The following DLGAP1 variants were observed in gnomAD, a reference collection of about 807,000 sequenced individuals.
DLGAP1 encodes DLG associated protein 1.
DLGAP1 carries 11 observed loss-of-function variants against 90.8 expected under a neutral mutation model. The ratio of observed to expected loss-of-function variants is 0.12; its 90% CI spans 0.08 to 0.20. DLGAP1 has a LOEUF of 0.20. DLGAP1 is among the 10% of genes least tolerant of loss of function. The pLI, the probability that DLGAP1 is intolerant of heterozygous loss-of-function variation, is 1.00. For missense variants in DLGAP1, 1,050 were observed against 1,333.8 expected (o/e 0.79, Z 3.31); for synonymous variants, 558 against 540.7 (o/e 1.03, Z -0.44).
chr18:4,044,032 G>C (rs1422191830), intron 2 of DLGAP1, among the ~76,000 whole-genome samples: 1 of 152,144 alleles, frequency 6.6e-6, no homozygotes, highest in Non-Finnish European at 1.5e-5. Context: ...GGTAATGTAA[G>C]ACATTTCCTC....
At chr18:3,815,480 GACTT>G (rs1834707528) in intron 4 of DLGAP1, among the ~76,000 whole-genome samples, 1 of 152,070 alleles carries the variant, frequency 6.6e-6, no homozygotes, top group Non-Finnish European at 1.5e-5. Flanking sequence ...CTGATTGCTT[GACTT>G]ACCTGGTGTA....
At chr18:3,741,197 C>T (rs2062986006) in intron 6 of DLGAP1, among the ~76,000 whole-genome samples, 2 of 110,016 alleles carry the variant, frequency 1.8e-5, no homozygotes, top group African/African-American at 7.4e-5. Context: ...ACCACCACCA[C>T]CAAATCACCA....
intron 7 of DLGAP1, among the ~76,000 whole-genome samples, chr18:3,675,598 G>A (rs906355390): frequency 1.3e-5 from 2 of 152,060 alleles, no homozygotes; most frequent in African/African-American, 2.4e-5. Context: ...TTTGTTTCCC[G>A]CATTCCTATC....
At chr18:3,621,840 C>T (rs759097492) in intron 7 of DLGAP1, among the ~76,000 whole-genome samples, 6 of 152,140 alleles carry the variant, frequency 3.9e-5, no homozygotes, top group African/African-American at 1.4e-4. Context: ...TGGTGGCATG[C>T]CTGTAATCCC....
intron 1 of DLGAP1, among the ~76,000 whole-genome samples, chr18:4,432,270 T>C (rs535014958): frequency 6.4e-4 from 98 of 152,192 alleles, no homozygotes; most frequent in African/African-American, 2.3e-3. Flanking sequence ...TTATTAGAAG[T>C]AAGGAGCTGA....
At chr18:3,567,370 A>C in intron 9 of DLGAP1, 120 bp downstream of exon 9, 1 of 811,324 alleles carries the variant, frequency 1.2e-6, no homozygotes, top group Non-Finnish European at 2.0e-6. Flanking sequence ...TTCACCCTTT[A>C]AATACTCCCA....
At chr18:3,826,171 AC>A (rs1378349681) in intron 4 of DLGAP1, among the ~76,000 whole-genome samples, 3 of 152,150 alleles carry the variant, frequency 2.0e-5, no homozygotes, top group Non-Finnish European at 4.4e-5. Flanking sequence ...TCTACTGAGT[AC>A]TATGTTCATT....
At chr18:3,883,264 CAAAA>C (rs1270688393) in intron 3 of DLGAP1, among the ~76,000 whole-genome samples, 3 of 152,010 alleles carry the variant, frequency 2.0e-5, no homozygotes, top group Non-Finnish European at 2.9e-5. Flanking sequence ...AACAAACAAA[CAAAA>C]ACAAACAAAC....
chr18:4,243,307 G>C lies in DLGAP1; in HGVS notation c.-266-92020C>G, dbSNP rs968806375. Among the ~76,000 whole-genome samples, 5 of 60,258 alleles carry C rather than the reference G, an allele frequency of 8.3e-5. No individual in the cohort carries two copies. The South Asian group carries it at 2.8e-3, about 34-fold the overall frequency. 39.5% of individuals were successfully genotyped at this position (60,258 alleles called of 152,430 possible). ...TATAACAAGTACTCCTTACGTAACCGAAACAAAACTCATAAGTCTGATTGC... is the reference window on the plus strand; with the variant it reads ...TATAACAAGTACTCCTTACGTAACCCAAACAAAACTCATAAGTCTGATTGC... On this transcript the variant is annotated intron_variant, in intron 1 of 12. Transcript: ENST00000315677.
intron 4 of DLGAP1, among the ~76,000 whole-genome samples, chr18:3,854,984 T>C (rs970302251): frequency 1.3e-5 from 2 of 152,168 alleles, no homozygotes; most frequent in African/African-American, 2.4e-5. Context: ...AAAGTCCTGT[T>C]CTTAAAGAAT....
chr18:3,741,079 CCATCACCAT>C (rs2062935459), intron 6 of DLGAP1, among the ~76,000 whole-genome samples: 1 of 113,056 alleles, frequency 8.8e-6, no homozygotes, highest in Non-Finnish European at 1.9e-5. Context: ...ACCACCACCA[CCATCACCAT>C]CACCACCACC....
intron 5 of DLGAP1, among the ~76,000 whole-genome samples, chr18:3,790,970 G>A (rs529918193): frequency 1.7e-4 from 26 of 152,260 alleles, no homozygotes; most frequent in Non-Finnish European, 2.6e-4. Flanking sequence ...GGCTACTTTC[G>A]CTTCATTAAA....
chr18:3,849,368 ACT>A (rs2069205657), intron 4 of DLGAP1, among the ~76,000 whole-genome samples: 1 of 151,838 alleles, frequency 6.6e-6, no homozygotes, highest in South Asian at 2.1e-4. Context: ...GAGAGAACTG[ACT>A]CTCTGCTAGC....
chr18:3,755,063 T>C (rs1349756807), intron 5 of DLGAP1, among the ~76,000 whole-genome samples: 1 of 152,164 alleles, frequency 6.6e-6, no homozygotes, highest in African/African-American at 2.4e-5. Context: ...CATACTACTA[T>C]AATAATATTG....
intron 1 of DLGAP1, among the ~76,000 whole-genome samples, chr18:4,231,044 C>T (rs2145051605): frequency 6.6e-6 from 1 of 152,158 alleles, no homozygotes; most frequent in Non-Finnish European, 1.5e-5. Context: ...AATACTTGCT[C>T]AAATTTATAC....
rs987901864 is a variant in DLGAP1 at position 3,582,122 on chromosome 18, C to G, written c.1718G>C (p.Gly573Ala). 3.1e-6 allele frequency: 5 copies of G among 1,613,746 alleles called. No homozygotes were observed. The highest frequency in any genetic ancestry group is 4.2e-6 in the Non-Finnish European group (5 of 1,179,998). The change falls in exon 8 of 13, where the codon GGA becomes GCA. Residue 573 changes from glycine to alanine, a missense_variant. This residue lies in a region of DLGAP1 where 565 missense variants were observed against 879.7 expected (regional missense o/e 0.64). Transcript: ENST00000315677. ...GATAATATCTCCTCGCTGGCCCTGT[C>G]CGTCCATGTAGGCATCCTGGGCTGA... ...TESAQDAYMD[G>A]QGQRGDIISQ...
At chr18:3,622,271 AT>A (rs1268158437) in intron 7 of DLGAP1, among the ~76,000 whole-genome samples, 1 of 151,746 alleles carries the variant, frequency 6.6e-6, no homozygotes, top group African/African-American at 2.4e-5. Context: ...CGCCCGGCTA[AT>A]TTTTTGTATT....
chr18:3,802,642 C>T (rs145667426), intron 5 of DLGAP1, among the ~76,000 whole-genome samples: 17 of 152,190 alleles, frequency 1.1e-4, no homozygotes, highest in Admixed American at 5.2e-4. Flanking sequence ...TTTTAGTTAG[C>T]GGTAACATAC....
chr18:3,972,813 G>A (rs1474580052), intron 3 of DLGAP1, among the ~76,000 whole-genome samples: 1 of 152,176 alleles, frequency 6.6e-6, no homozygotes. Context: ...CAGCAACACT[G>A]AGAGGCAGAT....
Sources: allele counts gnomAD v4.1 joint callset (sites outside exome capture counted in the v4.1 genomes callset), GRCh38; gene constraint gnomAD v4.1.1; regional missense constraint gnomAD v4.1.1; transcripts MANE v1.5; gene names NCBI Gene and HGNC (gene_info 2026-07-23, HGNC 2026-07-21).